PARD3B: variants seen among roughly 807,000 people sequenced by gnomAD.
The protein encoded by PARD3B is par-3 family cell polarity regulator beta, also known as partitioning defective 3 homolog B.
In PARD3B, 103 loss-of-function variants were observed where a neutral mutation model predicts 130.2. The ratio of observed to expected loss-of-function variants is 0.79; its 90% CI spans 0.67 to 0.93. PARD3B has a LOEUF of 0.93. Ranked by LOEUF, PARD3B falls within the 40% of genes least tolerant of loss-of-function variation. The pLI, the probability that PARD3B is intolerant of heterozygous loss-of-function variation, is 0.00. For synonymous variants in PARD3B, 583 were observed against 553.2 expected (o/e 1.05, Z -0.76); for missense variants, 1,609 against 1,499.2 (o/e 1.07, Z -1.21).
Position 205,500,007 on chromosome 2 carries a change from G to C in PARD3B, c.3156G>C (p.Arg1052Ser). ...ATGAAGACGACGAAGGAAGAGCAAG[G>C]CCATCTGAGTATGACCTACTCTGGG... Reference protein sequence around the residue: ...PLYEDDEGRARPSEYDLLWVP... With the variant: ...PLYEDDEGRASPSEYDLLWVP... The change falls in exon 21 of 23, where the codon AGG (arginine) becomes AGC (serine). Residue 1052 changes from arginine to serine, a missense_variant. Arg to Ser is a moderately radical substitution (Grantham distance 110). Transcript: ENST00000406610. The C allele has an allele frequency of 6.2e-7, 1 of 1,613,818 alleles. No individual in the cohort carries two copies. Among genetic ancestry groups the C allele is most frequent in the East Asian group, 2.2e-5 (1 of 44,872 alleles).
intron 13 of PARD3B, among the ~76,000 whole-genome samples, chr2:205,184,307 C>T (rs547668030): frequency 3.3e-5 from 5 of 152,210 alleles, no homozygotes; most frequent in African/African-American, 1.2e-4. Context: ...GATATTTGTC[C>T]CTTATTCTGT....
intron 19 of PARD3B, among the ~76,000 whole-genome samples, chr2:205,418,541 T>A (rs151258964): frequency 1.7e-4 from 26 of 152,272 alleles, no homozygotes; most frequent in African/African-American, 6.3e-4. Flanking sequence ...GAGAAAATAG[T>A]GTTGTAGCTG....
chr2:204,696,083 T>G (rs578080574), intron 2 of PARD3B, among the ~76,000 whole-genome samples: 9 of 152,110 alleles, frequency 5.9e-5, no homozygotes, highest in East Asian at 1.9e-4. Flanking sequence ...GTTTGCTGCC[T>G]ATTTCTTAAT....
Position 205,160,158 on chromosome 2 carries a change from G to A in PARD3B, c.1620+1251G>A, listed in dbSNP as rs1204054656. 6.6e-6 allele frequency among the ~76,000 whole-genome samples: 1 copy of A among 152,166 alleles called. No homozygotes were observed. Among genetic ancestry groups the A allele is most frequent in the African/African-American group, 2.4e-5 (1 of 41,450 alleles). The stretch of plus-strand genomic sequence containing the variant: ...TGTACTTTGGACAGACACCTCTTCA[G>A]TTTACTCCTTGGTTTAGTTAGCTTT... On this transcript the variant is annotated intron_variant, in intron 11 of 22. Transcript: ENST00000406610. The surrounding 1 kb of genome is among the most constrained non-coding windows in gnomAD (Gnocchi z 4.0).
intron 15 of PARD3B, among the ~76,000 whole-genome samples, chr2:205,225,606 T>C (rs781471989): frequency 3.9e-5 from 6 of 152,208 alleles, no homozygotes; most frequent in African/African-American, 9.7e-5. Flanking sequence ...AATTAACTCA[T>C]AGTTCTGCAG....
chr2:205,165,277 T>C (rs776622627), intron 11 of PARD3B, among the ~76,000 whole-genome samples: 4 of 152,132 alleles, frequency 2.6e-5, no homozygotes, highest in Non-Finnish European at 5.9e-5. Flanking sequence ...AGAATGTTAT[T>C]ATTGTATGGT....
intron 20 of PARD3B, among the ~76,000 whole-genome samples, chr2:205,465,145 G>A (rs2048578176): frequency 6.6e-6 from 1 of 152,182 alleles, no homozygotes; most frequent in Non-Finnish European, 1.5e-5. Flanking sequence ...TTGACCTAAT[G>A]TCATATAACT....
At chr2:205,262,015 C>G (rs2040333030) in intron 16 of PARD3B, among the ~76,000 whole-genome samples, 1 of 152,132 alleles carries the variant, frequency 6.6e-6, no homozygotes, top group South Asian at 2.1e-4. Context: ...AAAAGCCTCT[C>G]TCCTCATATG....
Position 205,301,159 on chromosome 2 carries a change from A to C in PARD3B, c.2393-305A>C, listed in dbSNP as rs956888720. Among the ~76,000 whole-genome samples, 3 of 152,206 alleles carry C rather than the reference A, an allele frequency of 2.0e-5. No homozygotes were observed. Among genetic ancestry groups the C allele is most frequent in the Non-Finnish European group, 4.4e-5 (3 of 68,038 alleles). ...CTTCTCACCCTGTTTGTTTCCCAGC[A>C]TGCAGGCTTTCTGAGCTGATCAAGG... On this transcript the variant is annotated intron_variant, in intron 17 of 22. Transcript: ENST00000406610. The surrounding 1 kb of genome is among the most constrained non-coding windows in gnomAD (Gnocchi z 5.2).
chr2:204,667,803 A>G (rs1374019049), intron 1 of PARD3B, among the ~76,000 whole-genome samples: 1 of 152,186 alleles, frequency 6.6e-6, no homozygotes, highest in East Asian at 1.9e-4. Flanking sequence ...TGTGCCTTTC[A>G]TGTAGTCACA....
chr2:205,354,475 AAGT>A (rs1291419224), intron 18 of PARD3B, among the ~76,000 whole-genome samples: 17 of 149,626 alleles, frequency 1.1e-4, no homozygotes, highest in Non-Finnish European at 2.2e-4. Context: ...AAATGAAAAA[AAGT>A]AAAAAATTAA....
intron 10 of PARD3B, among the ~76,000 whole-genome samples, chr2:205,141,209 A>C (rs1016854133): frequency 5.3e-5 from 8 of 152,196 alleles, no homozygotes; most frequent in Admixed American, 2.0e-4. Flanking sequence ...AAACTGGGAG[A>C]CTGAATATAT....
At chr2:205,267,632 T>C (rs2040561726) in intron 16 of PARD3B, among the ~76,000 whole-genome samples, 1 of 152,186 alleles carries the variant, frequency 6.6e-6, no homozygotes, top group Non-Finnish European at 1.5e-5. Context: ...TGGTATGCCC[T>C]AATTTTAATG....
chr2:205,615,403 G>A, intron 22 of PARD3B, 53 bp from the exon 23 acceptor site: 1 of 1,472,626 alleles, frequency 6.8e-7, no homozygotes, highest in Non-Finnish European at 9.2e-7. Flanking sequence ...ATGTTCTCCA[G>A]CCGGACGGCC....
At chr2:205,018,674 C>T (rs2125326011) in intron 3 of PARD3B, among the ~76,000 whole-genome samples, 1 of 123,410 alleles carries the variant, frequency 8.1e-6, no homozygotes, top group East Asian at 2.5e-4. Flanking sequence ...TACAATTACA[C>T]CTTATAAGTT....
chr2:205,496,325 T>G (rs2106331670), intron 20 of PARD3B, among the ~76,000 whole-genome samples: 1 of 152,290 alleles, frequency 6.6e-6, no homozygotes, highest in African/African-American at 2.4e-5. Flanking sequence ...TTGCTGTCCC[T>G]AATCTTACCA....
At chr2:204,935,600 A>G (rs527398238) in intron 2 of PARD3B, among the ~76,000 whole-genome samples, 12 of 151,732 alleles carry the variant, frequency 7.9e-5, no homozygotes, top group Admixed American at 1.3e-4. Flanking sequence ...TATAGTATGT[A>G]TTATGTGTGT....
chr2:204,962,305 A>G (rs914936191), intron 2 of PARD3B, among the ~76,000 whole-genome samples: 5 of 152,162 alleles, frequency 3.3e-5, no homozygotes, highest in Admixed American at 1.3e-4. Context: ...ATCCAATCCA[A>G]CATTGCCTGT....
rs1401679965 is a variant in PARD3B, at chr2:205,053,055, TGA to T, written c.504+5369_504+5370del. Among the ~76,000 whole-genome samples, 3 of 152,130 alleles carry T rather than the reference TGA, an allele frequency of 2.0e-5. No homozygotes were observed. In the East Asian group the frequency reaches 5.8e-4, roughly 29 times the overall value. ...GAGGATAGTGGCAGGTGGCTGCTAG[TGA>T]GAGTGCATTTTTACAGTGAGTGGCT... is the stretch of plus-strand genomic sequence containing the variant. On this transcript the variant is annotated intron_variant, in intron 4 of 22. Transcript: ENST00000406610.
Sources: gnomAD v4.1 joint callset for allele counts (sites outside exome capture counted in the v4.1 genomes callset) on GRCh38, gnomAD v4.1.1 for gene constraint, Gnocchi (gnomAD v3.1) non-coding constraint, MANE v1.5 for transcripts, NCBI Gene and HGNC (gene_info 2026-07-23, HGNC 2026-07-21) for gene names.